Variants in EDA2R observed in about 807,000 individuals in gnomAD.
The protein encoded by EDA2R is ectodysplasin A2 receptor, also known as tumor necrosis factor receptor superfamily member 27.
A neutral mutation model predicts 20.1 loss-of-function variants in EDA2R; 26 were observed. The observed-to-expected ratio is 1.30, with a 90% CI of 0.95 to 1.80. The LOEUF (loss-of-function observed/expected upper bound fraction) is 1.80. Ranked by LOEUF, EDA2R falls within the 40% of genes most tolerant of loss-of-function variation. The pLI, the probability that EDA2R is intolerant of heterozygous loss-of-function variation, is 0.00. For synonymous variants in EDA2R, 114 were observed against 88.7 expected (o/e 1.29, Z -1.60); for missense variants, 277 against 228.7 (o/e 1.21, Z -1.36).
At chrX:66,624,161 A>T (rs1932856130) in intron 1 of EDA2R, among the ~76,000 whole-genome samples, 1 of 112,219 alleles carries the variant, frequency 8.9e-6, no homozygotes, top group Non-Finnish European at 1.9e-5. Context: ...AAAGGATTTT[A>T]CATCGATTAG....
chrX:66,618,007 C>T (rs902764881), intron 1 of EDA2R, among the ~76,000 whole-genome samples: 2 of 110,592 alleles, frequency 1.8e-5, no homozygotes, highest in Non-Finnish European at 3.8e-5. Context: ...CTGCCTCAGC[C>T]TCCCGAGTAG....
At chrX:66,600,560 C>T (rs1329515847) in intron 5 of EDA2R, among the ~76,000 whole-genome samples, 1 of 111,875 alleles carries the variant, frequency 8.9e-6, no homozygotes, top group East Asian at 2.8e-4. Flanking sequence ...GAAACACAGC[C>T]CTGCCAATAT....
intron 2 of EDA2R, among the ~76,000 whole-genome samples, chrX:66,611,494 T>G (rs748026874): frequency 4.0e-4 from 44 of 111,190 alleles, no homozygotes; most frequent in Admixed American, 2.6e-3. Flanking sequence ...GAAACAGAAG[T>G]TTTTTTTAAA....
chrX:66,615,333 C>A, intron 2 of EDA2R, among the ~76,000 whole-genome samples: 1 of 111,833 alleles, frequency 8.9e-6, no homozygotes, highest in Non-Finnish European at 1.9e-5. Context: ...GTAGCCCCAG[C>A]TGCAGCCAAA....
chrX:66,604,539 A>C (rs747879961), intron 3 of EDA2R, 33 bp from the exon 4 acceptor site: 1 of 1,165,293 alleles, frequency 8.6e-7, no homozygotes, highest in Non-Finnish European at 1.2e-6. Context: ...TGGCAGGGTG[A>C]TCAAACAAGC....
intron 1 of EDA2R, among the ~76,000 whole-genome samples, chrX:66,630,184 A>G (rs567844407): frequency 1.4e-4 from 16 of 111,915 alleles, no homozygotes; most frequent in Middle Eastern, 4.6e-3. Context: ...TTACACACAA[A>G]TCAATTCAAG....
At chrX:66,621,416 T>C (rs1027828032) in intron 1 of EDA2R, among the ~76,000 whole-genome samples, 7 of 112,198 alleles carry the variant, frequency 6.2e-5, no homozygotes, top group African/African-American at 2.3e-4. Context: ...CCCAAAAGAA[T>C]TGAAAACATG....
intron 1 of EDA2R, among the ~76,000 whole-genome samples, chrX:66,616,327 C>A (rs1466623742): frequency 8.9e-6 from 1 of 112,353 alleles, no homozygotes; most frequent in Non-Finnish European, 1.9e-5. Flanking sequence ...GCAATTTGCT[C>A]AAATTCACAG....
chrX:66,628,508 T>C (rs971437930), intron 1 of EDA2R, among the ~76,000 whole-genome samples: 1 of 110,780 alleles, frequency 9.0e-6, no homozygotes, highest in South Asian at 3.8e-4. Flanking sequence ...ATGGGAGACA[T>C]TAGGACTGAC....
At chrX:66,626,425 C>G (rs1462851508) in intron 1 of EDA2R, among the ~76,000 whole-genome samples, 1 of 111,691 alleles carries the variant, frequency 9.0e-6, no homozygotes, top group Non-Finnish European at 1.9e-5. Flanking sequence ...ATTCACGACT[C>G]AAAGACAAGG....
chrX:66,602,311 C>T (rs760650348), intron 5 of EDA2R, among the ~76,000 whole-genome samples: 31 of 111,349 alleles, frequency 2.8e-4, no homozygotes, highest in Non-Finnish European at 4.5e-4. Context: ...TAAGGTTACA[C>T]GGTGATTTAG....
chrX:66,638,448 G>T (rs900694109), intron 1 of EDA2R, among the ~76,000 whole-genome samples: 2 of 111,046 alleles, frequency 1.8e-5, no homozygotes, highest in Non-Finnish European at 3.8e-5. Context: ...AGTGAGGCAG[G>T]ATCAAAATAA....
intron 1 of EDA2R, among the ~76,000 whole-genome samples, chrX:66,631,075 C>A (rs1184334701): frequency 9.2e-6 from 1 of 108,591 alleles, no homozygotes; most frequent in African/African-American, 3.4e-5. Flanking sequence ...TGATGAGATT[C>A]GAGACTATTA....
chrX:66,599,341 A>G, intron 6 of EDA2R, 133 bp downstream of exon 6: 1 of 743,116 alleles, frequency 1.3e-6, no homozygotes, highest in South Asian at 3.8e-5. Flanking sequence ...CCCTCCACCC[A>G]AAGTGTTCCT....
intron 2 of EDA2R, among the ~76,000 whole-genome samples, chrX:66,607,886 T>C (rs1156730097): frequency 4.5e-5 from 5 of 111,833 alleles, no homozygotes. Flanking sequence ...GAGACTATTC[T>C]TGAGGAAGCC....
chrX:66,636,511 C>T (rs914910966), intron 1 of EDA2R, among the ~76,000 whole-genome samples: 1 of 110,293 alleles, frequency 9.1e-6, no homozygotes, highest in Non-Finnish European at 1.9e-5. Context: ...ACTAGGATAT[C>T]CAGGTACAAG....
chrX:66,598,006 A>G lies in EDA2R; in HGVS notation c.*98T>C. 1 of 964,404 alleles carries G rather than the reference A, an allele frequency of 1.0e-6. No individual in the cohort carries two copies. Among genetic ancestry groups the G allele is most frequent in the African/African-American group, 2.0e-5 (1 of 50,498 alleles). 79.5% of individuals were successfully genotyped at this position (964,404 alleles called of 1,213,427 possible). A position where few individuals can be genotyped will look rare whatever the true frequency, so the allele number is the denominator to read the frequency against. ...CTGTAGGGTATTAGCTCTTGTGGAC[A>G]TCACATTTCAGGCCCCTGCTGCTGT... is the stretch of plus-strand genomic sequence containing the variant. On this transcript the variant is annotated 3_prime_UTR_variant, in exon 7 of 7. Transcript: ENST00000374719.
At chrX:66,603,020 G>A (rs1928936100) in intron 4 of EDA2R, among the ~76,000 whole-genome samples, 1 of 111,887 alleles carries the variant, frequency 8.9e-6, no homozygotes, top group Non-Finnish European at 1.9e-5. Flanking sequence ...ACAATTAATC[G>A]AAGATGCACA....
intron 2 of EDA2R, among the ~76,000 whole-genome samples, chrX:66,611,703 A>C (rs1457947611): frequency 1.8e-5 from 2 of 111,252 alleles, no homozygotes; most frequent in Non-Finnish European, 3.8e-5. Flanking sequence ...ACTATAACAA[A>C]ATATAGAAAA....
Sources: gnomAD v4.1 joint callset for allele counts (sites outside exome capture counted in the v4.1 genomes callset) on GRCh38, gnomAD v4.1.1 for gene constraint, MANE v1.5 for transcripts, NCBI Gene and HGNC (gene_info 2026-07-23, HGNC 2026-07-21) for gene names.